SLC30A5: variants seen among roughly 807,000 people sequenced by gnomAD.
The protein encoded by SLC30A5 is solute carrier family 30 member 5, also known as proton-coupled zinc antiporter SLC30A5.
Under a neutral mutation model 79.6 loss-of-function variants are expected in SLC30A5, and 33 were observed. That is an observed-to-expected ratio of 0.41 (90% CI 0.31 to 0.55). The LOEUF is 0.55. SLC30A5 is among the 20% of genes least tolerant of loss of function. The pLI is 0.20. For synonymous variants in SLC30A5, 299 were observed against 319.7 expected (o/e 0.94, Z 0.69); for missense variants, 788 against 928.1 (o/e 0.85, Z 1.96).
chr5:69,095,414 CTGGTCT>C (rs1440244380), intron 1 of SLC30A5, among the ~76,000 whole-genome samples: 1 of 152,024 alleles, frequency 6.6e-6, no homozygotes, highest in Non-Finnish European at 1.5e-5. Context: ...GTTGGTGTGG[CTGGTCT>C]TGAGCTCCCG....
At chr5:69,111,436 C>G (rs1172389252) in intron 5 of SLC30A5, among the ~76,000 whole-genome samples, 3 of 151,606 alleles carry the variant, frequency 2.0e-5, no homozygotes, top group Non-Finnish European at 4.4e-5. Flanking sequence ...TCCTGAGTAG[C>G]TGGAATTACA....
intron 2 of SLC30A5, 163 bp from the exon 3 acceptor site, chr5:69,102,899 G>A (rs1214938882): frequency 3.5e-5 from 14 of 398,964 alleles, no homozygotes; most frequent in Non-Finnish European, 6.4e-5. Context: ...ATTGCAATAG[G>A]AGTTTTACTA....
chr5:69,103,997 A>T, intron 3 of SLC30A5: 1 of 1,570,804 alleles, frequency 6.4e-7, no homozygotes, highest in Non-Finnish European at 8.7e-7. Context: ...GTAGAAAAGA[A>T]TTTAAAGACA....
chr5:69,101,359 A>G (rs1196469387), intron 2 of SLC30A5, among the ~76,000 whole-genome samples: 1 of 151,508 alleles, frequency 6.6e-6, no homozygotes, highest in Non-Finnish European at 1.5e-5. Flanking sequence ...TCACTGCAAG[A>G]TCACTGCCTC....
Position 69,104,700 on chromosome 5 carries a change from CTT to C in SLC30A5, c.345_346del (p.Cys116TrpfsTer10), listed in dbSNP as rs760662573. 6.3e-7 allele frequency: 1 copy of C among 1,595,066 alleles called. No homozygotes were observed. Among genetic ancestry groups the C allele is most frequent in the Non-Finnish European group, 8.5e-7 (1 of 1,173,230 alleles). On this transcript the variant is annotated frameshift_variant, in exon 4 of 16. Coordinates refer to ENST00000396591, the MANE Select transcript of SLC30A5 (RefSeq NM_022902.5). LOFTEE classifies it high-confidence loss of function. ...ISLLWFFGLTLCGPLRTLLLF... is the reference protein window; with the variant it reads ...ISLLWFFGLTXCGPLRTLLLF... Reference sequence around the variant, plus strand: ...ACTCTTGTGGTTTTTTGGCCTCACTCTTTGTGGACCACTAAGGTAAATAAAAA... The same window carrying C: ...ACTCTTGTGGTTTTTTGGCCTCACTCTGTGGACCACTAAGGTAAATAAAAA...
In SLC30A5 at chr5:69,117,337, C is replaced by G. The variant is rs777048220; in HGVS notation, c.1380C>G (p.Val460=). Residue 460 remains valine (V), a synonymous_variant, in exon 11 of 16, where the codon GTC becomes GTG. Transcript: ENST00000396591. ...FHMLFDCSAL[V]MGLFAALMSR... ...TGCTTTTTGACTGCTCTGCTTTAGTCATGGGACTTTTTGCTGCCCTGATGA... is the reference window on the plus strand; with the variant it reads ...TGCTTTTTGACTGCTCTGCTTTAGTGATGGGACTTTTTGCTGCCCTGATGA... 2 of 1,613,782 alleles carry G rather than the reference C, an allele frequency of 1.2e-6. No homozygotes were observed. Among genetic ancestry groups the G allele is most frequent in the East Asian group, 2.2e-5 (1 of 44,868 alleles).
chr5:69,106,923 G>A (rs149746457), intron 4 of SLC30A5, among the ~76,000 whole-genome samples: 1 of 149,404 alleles, frequency 6.7e-6, no homozygotes, highest in African/African-American at 2.5e-5. Context: ...TAGAGTATAT[G>A]GCACAGTCTT....
chr5:69,105,299 A>G (rs1314967882), intron 4 of SLC30A5, among the ~76,000 whole-genome samples: 1 of 152,236 alleles, frequency 6.6e-6, no homozygotes, highest in South Asian at 2.1e-4. Context: ...GAATTGTATC[A>G]TGCAGCTGTG....
chr5:69,106,623 A>C (rs1349014862), intron 4 of SLC30A5, among the ~76,000 whole-genome samples: 1 of 152,158 alleles, frequency 6.6e-6, no homozygotes, highest in African/African-American at 2.4e-5. Context: ...AGCCTGGACA[A>C]CATGGCAAAA....
chr5:69,107,420 T>G (rs1053371179), intron 4 of SLC30A5, among the ~76,000 whole-genome samples: 1 of 152,208 alleles, frequency 6.6e-6, no homozygotes, highest in Non-Finnish European at 1.5e-5. Flanking sequence ...ATATAGTTAC[T>G]TTTATTTTTA....
chr5:69,107,525 G>A (rs1746112154), intron 4 of SLC30A5, among the ~76,000 whole-genome samples: 1 of 142,744 alleles, frequency 7.0e-6, no homozygotes, highest in Admixed American at 6.7e-5. Flanking sequence ...CTTATGTTCT[G>A]TATATAATTG....
At chr5:69,119,442 A>G (rs1238787510) in intron 12 of SLC30A5, among the ~76,000 whole-genome samples, 1 of 152,054 alleles carries the variant, frequency 6.6e-6, no homozygotes, top group Non-Finnish European at 1.5e-5. Flanking sequence ...ATTGAGTTGC[A>G]GTTGTTTAAT....
In SLC30A5 at chr5:69,103,145, A is replaced by C. The variant is rs1554052714; in HGVS notation, c.273+17A>C. 1 of 1,449,072 alleles carries C rather than the reference A, an allele frequency of 6.9e-7. No homozygotes were observed. Among genetic ancestry groups the C allele is most frequent in the South Asian group, 1.2e-5 (1 of 84,272 alleles). 89.8% of individuals were successfully genotyped at this position (1,449,072 alleles called of 1,614,324 possible). On this transcript the variant is annotated intron_variant, in intron 3 of 15. Transcript: ENST00000396591. ...AAACACCAGGTAAGATTTTTGCAGA[A>C]TCTTTTATTCCTAGCAGCTTCTCGT...
At chr5:69,118,079 A>T (rs1484543571) in intron 11 of SLC30A5, among the ~76,000 whole-genome samples, 1 of 150,320 alleles carries the variant, frequency 6.7e-6, no homozygotes, top group Non-Finnish European at 1.5e-5. Flanking sequence ...CGGGAGGCTG[A>T]AGCAGGAGAA....
chr5:69,121,812 C>T lies in SLC30A5; in HGVS notation c.1688C>T (p.Ser563Leu), dbSNP rs1746541114. The T allele has an allele frequency of 9.9e-6, 16 of 1,613,178 alleles. No individual in the cohort carries two copies. Among genetic ancestry groups the T allele is most frequent in the Non-Finnish European group, 1.4e-5 (16 of 1,179,516 alleles). Residue 563 changes from serine (S) to leucine (L), a missense_variant, in exon 13 of 16, where the codon TCA becomes TTA. By Grantham distance (145) the Ser-to-Leu change is moderately radical. This residue lies in a region of SLC30A5 where 626 missense variants were observed against 755.5 expected (regional missense o/e 0.83). Coordinates refer to ENST00000396591, the MANE Select transcript of SLC30A5 (RefSeq NM_022902.5). ...TGTCACTCATCTGATCACAGCCATT[C>T]ACACCATATGCATGGACACAGTGAC... is the stretch of plus-strand genomic sequence containing the variant. Reference protein sequence around the residue: ...GSCHSSDHSHSHHMHGHSDHG... With the variant: ...GSCHSSDHSHLHHMHGHSDHG...
Position 69,107,145 on chromosome 5 carries a change from G to A in SLC30A5, c.360-1204G>A, listed in dbSNP as rs556073764. On this transcript the variant is annotated intron_variant, in intron 4 of 15. Transcript: ENST00000396591. ...CCCAAAGTGCTGGGATTACAGGCAT[G>A]AGCCACTGCTCCTGGCACTTTTTTG... 6.4e-4 allele frequency among the ~76,000 whole-genome samples: 97 copies of A among 152,270 alleles called. 1 individual carries two copies. Among genetic ancestry groups the A allele is most frequent in the Middle Eastern group, 6.8e-3 (2 of 294 alleles).
intron 14 of SLC30A5, among the ~76,000 whole-genome samples, chr5:69,124,651 C>T (rs1746626966): frequency 1.3e-5 from 2 of 152,242 alleles, no homozygotes; most frequent in Admixed American, 1.3e-4. Flanking sequence ...TCCCAGCTCA[C>T]TGCAACCTCC....
intron 5 of SLC30A5, among the ~76,000 whole-genome samples, chr5:69,109,627 T>G (rs1485714980): frequency 6.6e-6 from 1 of 152,206 alleles, no homozygotes; most frequent in Non-Finnish European, 1.5e-5. Flanking sequence ...GAAAAATAAC[T>G]AAAAACTTGT....
chr5:69,129,625 C>T lies in SLC30A5; in HGVS notation c.*8C>T, dbSNP rs374893981. ...GGTACTTACATCATGTGAGATAACT[C>T]AAGAATTACCCCTGGAGAATAAACA... On this transcript the variant is annotated 3_prime_UTR_variant, in exon 16 of 16. Transcript: ENST00000396591. 12 of 1,597,486 alleles carry T rather than the reference C, an allele frequency of 7.5e-6. No homozygotes were observed. In the African/African-American group the frequency reaches 1.6e-4, roughly 21 times the overall value.
Sources: allele counts gnomAD v4.1 joint callset (sites outside exome capture counted in the v4.1 genomes callset), GRCh38; gene constraint gnomAD v4.1.1; regional missense constraint gnomAD v4.1.1; transcripts MANE v1.5; gene names NCBI Gene and HGNC (gene_info 2026-07-23, HGNC 2026-07-21).